Variants in ABR observed in about 807,000 individuals in gnomAD.
The protein encoded by ABR is active breakpoint cluster region-related protein.
A neutral mutation model predicts 107.2 loss-of-function variants in ABR; 35 were observed. The observed-to-expected ratio is 0.33, with a 90% CI of 0.25 to 0.43. The LOEUF is 0.43. Ranked by LOEUF, ABR falls within the 20% of genes least tolerant of loss-of-function variation. The probability of loss-of-function intolerance (pLI) is 1.00; values close to 1 mark genes in which losing one functional copy is unlikely to be tolerated. For synonymous variants in ABR, 498 were observed against 462.0 expected, an observed-to-expected ratio of 1.08 and a Z score of -1.00; for missense variants, 815 against 1,115.2, an observed-to-expected ratio of 0.73 and a Z score of 3.83.
At chr17:1,089,188 G>A (rs1035806594) in intron 4 of ABR, among the ~76,000 whole-genome samples, 4 of 150,178 alleles carry the variant, frequency 2.7e-5, no homozygotes, top group Admixed American at 6.6e-5. Flanking sequence ...GAGCCACCAC[G>A]CTCAGTCAGG....
At chr17:1,172,205 C>G (rs986437192) in intron 1 of ABR, among the ~76,000 whole-genome samples, 52 of 152,222 alleles carry the variant, frequency 3.4e-4, no homozygotes, top group Non-Finnish European at 4.7e-4. Flanking sequence ...CACAAGTGGC[C>G]ACGGCCTCAG....
At chr17:1,057,717 G>T in intron 12 of ABR, 1 of 466,386 alleles carries the variant, frequency 2.1e-6, no homozygotes, top group Non-Finnish European at 4.0e-6. Flanking sequence ...GAGAGAGAGA[G>T]GTAGAGAGAG....
intron 2 of ABR, among the ~76,000 whole-genome samples, chr17:1,104,441 G>C (rs992903532): frequency 2.0e-5 from 3 of 152,152 alleles, no homozygotes; most frequent in African/African-American, 7.2e-5. Flanking sequence ...CAACAAGCAG[G>C]GCTGGCTCTC....
upstream of ABR, among the ~76,000 whole-genome samples, chr17:1,190,204 G>A (rs1317337980): frequency 6.6e-6 from 1 of 152,204 alleles, no homozygotes; most frequent in Non-Finnish European, 1.5e-5. Context: ...CAGTATTGGA[G>A]GCTGTACTCC....
At chr17:1,009,046 G>A (rs1057012026) in intron 21 of ABR, among the ~76,000 whole-genome samples, 10 of 152,156 alleles carry the variant, frequency 6.6e-5, no homozygotes, top group Non-Finnish European at 1.3e-4. Context: ...AGACCAGTGG[G>A]TTTCACCTTT....
rs557309061 is a variant in ABR at position 1,009,698 on chromosome 17, G to A, written c.2323C>T (p.Leu775=). 1.9e-6 allele frequency: 3 copies of A among 1,613,856 alleles called. No individual in the cohort carries two copies. The highest frequency in any genetic ancestry group is 1.3e-5 in the African/African-American group (1 of 75,058). The change falls in exon 21 of 23, where the codon CTG becomes TTG. Residue 775 remains leucine (L), a synonymous_variant. Transcript: ENST00000302538. The part of the protein sequence containing the change: ...PDPNLITFLF[L]LEHLKRVAEK... The stretch of plus-strand genomic sequence containing the variant: ...CGTTACCTTTTCAAGTGTTCCAGCA[G>A]GAAGAGGAAGGTGATGAGGTTGGGG...
chr17:1,070,970 C>G lies in ABR; in HGVS notation c.895-880G>C, dbSNP rs1302365427. On this transcript the variant is annotated intron_variant, in intron 8 of 22. Transcript: ENST00000302538. The surrounding 1 kb of genome is among the most constrained non-coding windows in gnomAD (Gnocchi z 4.2). ...CTGAGGTCAGGAGTTTGAGACCAGC[C>G]TGGCCAACGTGGCGAAACCCCGTCT... is the stretch of plus-strand genomic sequence containing the variant. Among the ~76,000 whole-genome samples, 1 of 152,144 alleles carries G rather than the reference C, an allele frequency of 6.6e-6. No individual in the cohort carries two copies. Among genetic ancestry groups the G allele is most frequent in the African/African-American group, 2.4e-5 (1 of 41,420 alleles).
At chr17:1,114,469 CAA>C (rs36105392) in intron 2 of ABR, among the ~76,000 whole-genome samples, 17 of 93,806 alleles carry the variant, frequency 1.8e-4, no homozygotes, top group East Asian at 3.3e-4. Flanking sequence ...GACTCTGTCT[CAA>C]AAAAAAAAAA....
intron 2 of ABR, among the ~76,000 whole-genome samples, chr17:1,105,100 C>T (rs186631551): frequency 4.8e-4 from 73 of 151,508 alleles, no homozygotes; most frequent in Middle Eastern, 3.4e-3. Context: ...CCTCCATCTC[C>T]CGGGTTCAAG....
intron 3 of ABR, among the ~76,000 whole-genome samples, chr17:1,098,815 C>A (rs1214078938): frequency 1.3e-5 from 2 of 152,190 alleles, no homozygotes; most frequent in Non-Finnish European, 2.9e-5. Flanking sequence ...TTCAGAGTTT[C>A]ACTCTTGTTG....
Position 1,054,671 on chromosome 17 carries a change from AGGGGATGGGGG to A in ABR, c.1561+1353_1561+1363del, listed in dbSNP as rs1286358878. ...AGGGGATGGGGGCACAAGGAACCTGAGGGGATGGGGGCACAAGGAACCTCAGGGGATGGGGG... is the reference window on the plus strand; with the variant it reads ...AGGGGATGGGGGCACAAGGAACCTGACACAAGGAACCTCAGGGGATGGGGG... On this transcript the variant is annotated intron_variant, in intron 14 of 22. Coordinates refer to ENST00000302538, the MANE Select transcript of ABR (RefSeq NM_021962.5). Among the ~76,000 whole-genome samples, 7 of 55,916 alleles carry A rather than the reference AGGGGATGGGGG, an allele frequency of 1.3e-4. 1 individual carries two copies. Among genetic ancestry groups the A allele is most frequent in the African/African-American group, 4.6e-4 (6 of 13,150 alleles). 36.7% of individuals were successfully genotyped at this position (55,916 alleles called of 152,430 possible). A position where few individuals can be genotyped will look rare whatever the true frequency, so the allele number is the denominator to read the frequency against.
chr17:1,203,336 T>C (rs1181496494), intron 1 of ABR, among the ~76,000 whole-genome samples: 2 of 88,846 alleles, frequency 2.3e-5, no homozygotes, highest in South Asian at 5.0e-4. Context: ...GGGGGCGGGG[T>C]CCGCGGGGAG....
At chr17:1,113,709 G>A (rs970962873) in intron 2 of ABR, among the ~76,000 whole-genome samples, 9 of 152,150 alleles carry the variant, frequency 5.9e-5, no homozygotes, top group East Asian at 1.9e-4. Flanking sequence ...GTTCCCAATC[G>A]TGGCACTTCT....
intron 16 of ABR, among the ~76,000 whole-genome samples, chr17:1,024,048 A>AAAAAAAAAC (rs1567596985): frequency 2.7e-5 from 4 of 148,496 alleles, no homozygotes; most frequent in East Asian, 1.9e-4. Flanking sequence ...AAAAAAAAAA[A>AAAAAAAAAC]AGCAGCATCA....
At chr17:1,031,752 ACGGGACG>A in intron 16 of ABR, 1 of 1,219,594 alleles carries the variant, frequency 8.2e-7, no homozygotes, top group Non-Finnish European at 1.0e-6. Flanking sequence ...GCCGGGGGGG[ACGGGACG>A]CGGCGCTGGA....
At position 1,092,360 on chromosome 17, in the gene ABR, C is replaced by A. The variant is rs977317614; in HGVS notation, c.346-510G>T. 6.6e-6 allele frequency among the ~76,000 whole-genome samples: 1 copy of A among 152,170 alleles called. No homozygotes were observed. The highest frequency in any genetic ancestry group is 6.5e-5 in the Admixed American group (1 of 15,276). On this transcript the variant is annotated intron_variant, in intron 3 of 22. Coordinates refer to ENST00000302538, the MANE Select transcript of ABR (RefSeq NM_021962.5). The surrounding 1 kb of genome is among the most constrained non-coding windows in gnomAD (Gnocchi z 4.6). ...TGTTCCAAGTTCCCGTCACTTGGCA[C>A]AGGGAGAGGCATGGGCGTTCACGTG...
chr17:1,077,173 A>AG (rs1227744172), intron 6 of ABR, among the ~76,000 whole-genome samples: 1 of 152,174 alleles, frequency 6.6e-6, no homozygotes, highest in Non-Finnish European at 1.5e-5. Context: ...CACCTTCTTC[A>AG]GGGAAAGGCA....
intron 1 of ABR, among the ~76,000 whole-genome samples, chr17:1,217,881 G>A (rs1202830382): frequency 6.6e-6 from 1 of 152,176 alleles, no homozygotes; most frequent in Non-Finnish European, 1.5e-5. Context: ...TTTTAGCAGA[G>A]ACGGGGTTTC....
rs868555859 is a variant in ABR at position 1,015,505 on chromosome 17, G to A, written c.1792-2341C>T. Among the ~76,000 whole-genome samples the A allele has an allele frequency of 7.3e-4, 110 of 151,380 alleles. 2 individuals are homozygous for A. Among genetic ancestry groups the A allele is most frequent in the South Asian group, 2.1e-3 (10 of 4,796 alleles). On this transcript the variant is annotated intron_variant, in intron 16 of 22. Coordinates refer to ENST00000302538, the MANE Select transcript of ABR (RefSeq NM_021962.5). The stretch of plus-strand genomic sequence containing the variant: ...GAGTTTCGCTCTTATTGTCCAGGCC[G>A]GAGTGCAATGGTGCGATCTTGGCTC...
Sources: allele counts gnomAD v4.1 joint callset (sites outside exome capture counted in the v4.1 genomes callset), GRCh38; gene constraint gnomAD v4.1.1; non-coding constraint Gnocchi (gnomAD v3.1); transcripts MANE v1.5; gene names NCBI Gene and HGNC (gene_info 2026-07-23, HGNC 2026-07-21).